The following TRPC6 variants were observed in gnomAD, a reference collection of about 807,000 sequenced individuals.
TRPC6 encodes transient receptor potential cation channel subfamily C member 6, also known as short transient receptor potential channel 6.
Under a neutral mutation model 90.7 loss-of-function variants are expected in TRPC6, and 55 were observed. That is an observed-to-expected ratio of 0.61 (90% CI 0.49 to 0.76). TRPC6 has a LOEUF of 0.76. Ranked by LOEUF, TRPC6 falls within the 30% of genes least tolerant of loss-of-function variation. The probability of loss-of-function intolerance (pLI) is 0.00; values close to 1 mark genes in which losing one functional copy is unlikely to be tolerated. For missense variants in TRPC6, 989 were observed against 1,122.7 expected (o/e 0.88, Z 1.70); for synonymous variants, 393 against 393.0 (o/e 1.00, Z 0.00).
chr11:101,475,344 T>C (rs557913824), intron 6 of TRPC6, among the ~76,000 whole-genome samples: 14 of 152,300 alleles, frequency 9.2e-5, no homozygotes, highest in African/African-American at 3.1e-4. Context: ...TGTTTTCATA[T>C]ATGTCTGTCT....
chr11:101,543,431 A>T (rs896391003), intron 1 of TRPC6, among the ~76,000 whole-genome samples: 1 of 151,974 alleles, frequency 6.6e-6, no homozygotes, highest in African/African-American at 2.4e-5. Context: ...CTAAGCAAAA[A>T]GAACAAAGCT....
intron 4 of TRPC6, among the ~76,000 whole-genome samples, chr11:101,485,024 T>C (rs1591077395): frequency 6.6e-6 from 1 of 151,960 alleles, no homozygotes; most frequent in Admixed American, 6.6e-5. Context: ...CCAAAAGAAG[T>C]CTGTACCTGT....
At chr11:101,548,606 G>A (rs75884666) in intron 1 of TRPC6, among the ~76,000 whole-genome samples, 1 of 86,768 alleles carries the variant, frequency 1.2e-5, no homozygotes, top group Admixed American at 1.3e-4. Flanking sequence ...ATTGACACCA[G>A]TTCTCTGTGA....
chr11:101,459,262 C>T lies in TRPC6; in HGVS notation c.2485-4161G>A, dbSNP rs556182359. 1.2e-4 allele frequency among the ~76,000 whole-genome samples: 19 copies of T among 152,216 alleles called. No individual in the cohort carries two copies. In the South Asian group the frequency reaches 2.7e-3, roughly 22 times the overall value. The stretch of plus-strand genomic sequence containing the variant: ...TAAAGGGAAGTGGAACGGGAGAAGG[C>T]GGAGAAATCCTCTCCACTGTGAGGC... On this transcript the variant is annotated intron_variant, in intron 10 of 12. Coordinates refer to ENST00000344327, the MANE Select transcript of TRPC6 (RefSeq NM_004621.6).
At chr11:101,573,686 G>A (rs1011186329) in intron 1 of TRPC6, among the ~76,000 whole-genome samples, 1 of 152,120 alleles carries the variant, frequency 6.6e-6, no homozygotes, top group African/African-American at 2.4e-5. Context: ...TTCATTGAGT[G>A]TAAGACACAT....
At chr11:101,500,855 C>T (rs548016711) in intron 2 of TRPC6, among the ~76,000 whole-genome samples, 16 of 151,954 alleles carry the variant, frequency 1.1e-4, no homozygotes, top group Non-Finnish European at 2.1e-4. Flanking sequence ...AGATGTTGTT[C>T]GCTTAGTTGA....
intron 2 of TRPC6, among the ~76,000 whole-genome samples, chr11:101,497,193 A>C (rs1026657425): frequency 1.3e-5 from 2 of 152,258 alleles, no homozygotes; most frequent in African/African-American, 2.4e-5. Context: ...ATTATGGACA[A>C]CTTAAATTCT....
chr11:101,496,456 G>C (rs1331852821), intron 2 of TRPC6, among the ~76,000 whole-genome samples: 1 of 152,144 alleles, frequency 6.6e-6, no homozygotes, highest in African/African-American at 2.4e-5. Flanking sequence ...ATGTGGGGTT[G>C]TGAGGATATA....
intron 1 of TRPC6, among the ~76,000 whole-genome samples, chr11:101,561,902 A>G (rs936434120): frequency 6.6e-6 from 1 of 151,552 alleles, no homozygotes; most frequent in Admixed American, 6.6e-5. Flanking sequence ...ATACAAAGAT[A>G]TTAAAGAATA....
chr11:101,473,362 C>T (rs894079920), intron 7 of TRPC6, 147 bp downstream of exon 7: 4 of 822,388 alleles, frequency 4.9e-6, no homozygotes, highest in Non-Finnish European at 7.5e-6. Context: ...CCCTCCAACT[C>T]ATTTGTAAAA....
intron 1 of TRPC6, among the ~76,000 whole-genome samples, chr11:101,524,990 C>T (rs1305457752): frequency 6.6e-6 from 1 of 152,176 alleles, no homozygotes; most frequent in Non-Finnish European, 1.5e-5. Flanking sequence ...AGTCTCATTG[C>T]CTCACTTAAA....
At chr11:101,548,695 G>A (rs893906097) in intron 1 of TRPC6, among the ~76,000 whole-genome samples, 1 of 151,374 alleles carries the variant, frequency 6.6e-6, no homozygotes, top group African/African-American at 2.4e-5. Context: ...AAAGAAAACT[G>A]AGATGAAATG....
intron 6 of TRPC6, among the ~76,000 whole-genome samples, chr11:101,475,503 A>G (rs1289890065): frequency 6.6e-6 from 1 of 152,156 alleles, no homozygotes; most frequent in East Asian, 1.9e-4. Flanking sequence ...ACTATACTGT[A>G]TATCTCCCTT....
intron 1 of TRPC6, among the ~76,000 whole-genome samples, chr11:101,571,119 C>A (rs1861954495): frequency 6.6e-6 from 1 of 152,222 alleles, no homozygotes; most frequent in African/African-American, 2.4e-5. Flanking sequence ...ATTTAGAAAA[C>A]CCCATTGTCT....
chr11:101,540,070 A>C (rs200415684), intron 1 of TRPC6, among the ~76,000 whole-genome samples: 1 of 100,904 alleles, frequency 9.9e-6, no homozygotes, highest in South Asian at 3.1e-4. Flanking sequence ...ATATAAGATT[A>C]AAAAGTTATT....
Position 101,469,435 on chromosome 11 carries a change from T to C in TRPC6, c.2476A>G (p.Lys826Glu), listed in dbSNP as rs1859232979. The C allele has an allele frequency of 1.3e-6, 1 of 772,180 alleles. No homozygotes were observed. Among genetic ancestry groups the C allele is most frequent in the African/African-American group, 1.7e-5 (1 of 59,058 alleles). The allele number at this position is 772,180 out of a possible 1,614,324, so 47.8% of individuals were successfully genotyped here. Residue 826 changes from lysine to glutamate, a missense_variant, in exon 10 of 13, where the codon AAA becomes GAA. Lys to Glu is a moderately conservative substitution (Grantham distance 56, BLOSUM62 1). Around this residue, in one of 4 missense-constraint regions of TRPC6, gnomAD observed 191 missense variants for 196.7 expected, o/e 0.97. Transcript: ENST00000344327. Reference protein sequence around the residue: ...HEDLSKLSLDKKQVGHNKQPS... With the variant: ...HEDLSKLSLDEKQVGHNKQPS... Reference sequence around the variant, plus strand: ...TTCAAATATGAGCTTACCTGTTTTTTGTCAAGTGATAATTTTGAAAGGTCT... The same window carrying C: ...TTCAAATATGAGCTTACCTGTTTTTCGTCAAGTGATAATTTTGAAAGGTCT...
chr11:101,496,085 AG>A (rs1859942097), intron 2 of TRPC6, among the ~76,000 whole-genome samples: 1 of 152,008 alleles, frequency 6.6e-6, no homozygotes, highest in South Asian at 2.1e-4. Context: ...AGCAGGAGAG[AG>A]AGAGAGAGAG....
At position 101,548,386 on chromosome 11, in the gene TRPC6, T is replaced by C. The variant is rs528975188; in HGVS notation, c.170+34948A>G. ...ATCTTATAATTATAATATATAAATA[T>C]ATTATGTATAATATATAATTATATA... On this transcript the variant is annotated intron_variant, in intron 1 of 12. Coordinates refer to ENST00000344327, the MANE Select transcript of TRPC6 (RefSeq NM_004621.6). Among the ~76,000 whole-genome samples the C allele has an allele frequency of 3.0e-3, 353 of 117,860 alleles. 3 individuals are homozygous for C. Among genetic ancestry groups the C allele is most frequent in the African/African-American group, 9.2e-3 (336 of 36,394 alleles). 77.3% of individuals were successfully genotyped at this position (117,860 alleles called of 152,430 possible). A position where few individuals can be genotyped will look rare whatever the true frequency, so the allele number is the denominator to read the frequency against.
At chr11:101,519,479 A>C (rs534956354) in intron 1 of TRPC6, among the ~76,000 whole-genome samples, 1 of 152,294 alleles carries the variant, frequency 6.6e-6, no homozygotes, top group South Asian at 2.1e-4. Flanking sequence ...TTGAGGACAC[A>C]GACTAAGCTA....
Sources: allele counts gnomAD v4.1 joint callset (sites outside exome capture counted in the v4.1 genomes callset), GRCh38; gene constraint gnomAD v4.1.1; regional missense constraint gnomAD v4.1.1; transcripts MANE v1.5; gene names NCBI Gene and HGNC (gene_info 2026-07-23, HGNC 2026-07-21).